The following PTPRD variants were observed in gnomAD, a reference collection of about 807,000 sequenced individuals.
PTPRD encodes protein tyrosine phosphatase receptor type D, also known as receptor-type tyrosine-protein phosphatase delta.
PTPRD carries 34 observed loss-of-function variants against 214.5 expected under a neutral mutation model. That is an observed-to-expected ratio of 0.16 (90% CI 0.12 to 0.21). PTPRD has a LOEUF of 0.21. Among genes scored for constraint, PTPRD ranks in the 10% least tolerant of loss-of-function variants. PTPRD has a pLI of 1.00. For synonymous variants in PTPRD, 1,128 were observed against 845.7 expected (o/e 1.33, Z -5.79); for missense variants, 2,545 against 2,398.7 (o/e 1.06, Z -1.27).
chr9:9,704,671 C>A (rs1322244765), intron 7 of PTPRD, among the ~76,000 whole-genome samples: 1 of 152,148 alleles, frequency 6.6e-6, no homozygotes, highest in African/African-American at 2.4e-5. Context: ...AGAATATTTT[C>A]TTTGGGATCC....
chr9:10,577,865 G>A (rs1318806831), intron 2 of PTPRD, among the ~76,000 whole-genome samples: 2 of 151,102 alleles, frequency 1.3e-5, no homozygotes, highest in African/African-American at 2.4e-5. Context: ...TTATAGTACA[G>A]GAACAAGAAT....
chr9:8,488,220 A>G (rs968317723), intron 27 of PTPRD, among the ~76,000 whole-genome samples: 6 of 152,206 alleles, frequency 3.9e-5, no homozygotes, highest in Non-Finnish European at 8.8e-5. Context: ...TGTATTTCAG[A>G]AAGTGAAACC....
At chr9:9,978,797 C>A (rs989627566) in intron 4 of PTPRD, among the ~76,000 whole-genome samples, 2 of 151,784 alleles carry the variant, frequency 1.3e-5, no homozygotes, top group African/African-American at 2.4e-5. Flanking sequence ...AAACACAGAT[C>A]GAAGAGTACA....
At chr9:9,506,704 T>A (rs1203321945) in intron 8 of PTPRD, among the ~76,000 whole-genome samples, 1 of 151,388 alleles carries the variant, frequency 6.6e-6, no homozygotes, top group African/African-American at 2.4e-5. Flanking sequence ...GAAATCCATA[T>A]ATTTTAGTGG....
intron 3 of PTPRD, among the ~76,000 whole-genome samples, chr9:10,153,561 G>A (rs2099075106): frequency 6.6e-6 from 1 of 151,514 alleles, no homozygotes; most frequent in African/African-American, 2.4e-5. Context: ...TAAACTTTAA[G>A]TTCAGGATAC....
intron 9 of PTPRD, among the ~76,000 whole-genome samples, chr9:9,308,686 T>G (rs1250822762): frequency 6.6e-6 from 1 of 152,220 alleles, no homozygotes; most frequent in Non-Finnish European, 1.5e-5. Context: ...TACCGGCACC[T>G]GATTAAAATA....
At chr9:10,439,716 C>G (rs190156473) in intron 2 of PTPRD, among the ~76,000 whole-genome samples, 1 of 151,736 alleles carries the variant, frequency 6.6e-6, no homozygotes, top group Non-Finnish European at 1.5e-5. Context: ...GAATTTTCCA[C>G]AATTATTTTT....
intron 7 of PTPRD, among the ~76,000 whole-genome samples, chr9:9,677,025 T>G (rs1228520574): frequency 1.3e-5 from 2 of 152,160 alleles, no homozygotes; most frequent in Admixed American, 1.3e-4. Context: ...TTCTGGATAT[T>G]AGCCCTTTGT....
intron 9 of PTPRD, among the ~76,000 whole-genome samples, chr9:9,382,306 C>A (rs2062563356): frequency 6.6e-6 from 1 of 151,926 alleles, no homozygotes; most frequent in Non-Finnish European, 1.5e-5. Context: ...TTGGTTTTGG[C>A]AATGACATTT....
intron 11 of PTPRD, among the ~76,000 whole-genome samples, chr9:8,990,220 C>A (rs1237280865): frequency 6.6e-6 from 1 of 152,098 alleles, no homozygotes. Flanking sequence ...TAAAGATCTA[C>A]TGAAAGAAGA....
chr9:9,607,472 A>C (rs2094238622), intron 7 of PTPRD, among the ~76,000 whole-genome samples: 1 of 152,308 alleles, frequency 6.6e-6, no homozygotes, highest in South Asian at 2.1e-4. Context: ...ACTAGCTGAA[A>C]ACCAAATAGC....
intron 9 of PTPRD, among the ~76,000 whole-genome samples, chr9:9,387,483 T>C (rs1465112195): frequency 6.6e-6 from 1 of 152,182 alleles, no homozygotes; most frequent in African/African-American, 2.4e-5. Context: ...AGAGAAAATG[T>C]TTTTATTTCA....
intron 2 of PTPRD, among the ~76,000 whole-genome samples, chr9:10,598,841 G>A (rs544556247): frequency 5.3e-5 from 8 of 151,582 alleles, no homozygotes; most frequent in Non-Finnish European, 1.0e-4. Flanking sequence ...ACTAGTAGAT[G>A]ATATAAAGAA....
At chr9:9,244,736 C>T (rs1360546016) in intron 9 of PTPRD, among the ~76,000 whole-genome samples, 1 of 152,090 alleles carries the variant, frequency 6.6e-6, no homozygotes, top group Non-Finnish European at 1.5e-5. Context: ...GCAAGGACTT[C>T]ATGTCTAAAA....
intron 3 of PTPRD, among the ~76,000 whole-genome samples, chr9:10,132,564 A>T (rs1337922914): frequency 6.6e-6 from 1 of 152,166 alleles, no homozygotes; most frequent in Non-Finnish European, 1.5e-5. Context: ...TTCAGTACAC[A>T]TACTTGGAGT....
At chr9:9,644,113 A>G (rs547278259) in intron 7 of PTPRD, among the ~76,000 whole-genome samples, 1 of 152,332 alleles carries the variant, frequency 6.6e-6, no homozygotes, top group Admixed American at 6.5e-5. Context: ...AAGACAATCA[A>G]AAGTGTTTTT....
intron 14 of PTPRD, among the ~76,000 whole-genome samples, chr9:8,581,854 G>C (rs2093158337): frequency 7.0e-6 from 1 of 143,252 alleles, no homozygotes. Flanking sequence ...ATTTGGGGAG[G>C]TGGAGGCGAG....
At chr9:10,153,015 G>T (rs760427617) in intron 3 of PTPRD, among the ~76,000 whole-genome samples, 10 of 152,202 alleles carry the variant, frequency 6.6e-5, no homozygotes, top group African/African-American at 2.4e-4. Context: ...AGGGGCTGAT[G>T]GGTGAGGAAT....
rs1286055115 is a variant in PTPRD at position 9,858,097 on chromosome 9, T to C, written c.-368+80410A>G. 3.3e-5 allele frequency among the ~76,000 whole-genome samples: 5 copies of C among 152,326 alleles called. No individual in the cohort carries two copies. In the Middle Eastern group the frequency reaches 0.014, roughly 414 times the overall value. ...AACCAGACATTCAGGAACTGTGCTATATAGTCTGTGCAATTGTTTTAGTGA... is the reference window on the plus strand; with the variant it reads ...AACCAGACATTCAGGAACTGTGCTACATAGTCTGTGCAATTGTTTTAGTGA... On this transcript the variant is annotated intron_variant, in intron 5 of 45. Coordinates refer to ENST00000381196, the MANE Select transcript of PTPRD (RefSeq NM_002839.4).
Sources: allele counts gnomAD v4.1 joint callset (sites outside exome capture counted in the v4.1 genomes callset), GRCh38; gene constraint gnomAD v4.1.1; transcripts MANE v1.5; gene names NCBI Gene and HGNC (gene_info 2026-07-23, HGNC 2026-07-21).